Variants in DLD observed in about 807,000 individuals in gnomAD.
DLD encodes the protein dihydrolipoyl dehydrogenase, mitochondrial.
DLD carries 36 observed loss-of-function variants against 62.2 expected under a neutral mutation model. That is an observed-to-expected ratio of 0.58 (90% CI 0.44 to 0.76). The LOEUF (loss-of-function observed/expected upper bound fraction) is 0.76, where lower values mean the gene tolerates loss of function less well. DLD is among the 30% of genes least tolerant of loss of function. DLD has a pLI of 0.00. For synonymous variants in DLD, 204 were observed against 199.6 expected (o/e 1.02, Z -0.19); for missense variants, 541 against 608.6 (o/e 0.89, Z 1.17).
rs2032395878 is a variant in DLD, at chr7:107,920,944, A to G, written c.*1685A>G. 6.6e-6 allele frequency: 1 copy of G among 152,324 alleles called. No individual in the cohort carries two copies. Among genetic ancestry groups the G allele is most frequent in the Non-Finnish European group, 1.5e-5 (1 of 68,050 alleles). 9.4% of individuals were successfully genotyped at this position (152,324 alleles called of 1,614,324 possible). On this transcript the variant is annotated 3_prime_UTR_variant, in exon 14 of 14. Transcript: ENST00000205402. ...GATATCTGTGTGCTACTTTGCCATT[A>G]TTGGAAGTGAACTCTGCATCTTTTT...
intron 12 of DLD, 60 bp downstream of exon 12, chr7:107,918,121 T>G (rs1562921021): frequency 1.3e-6 from 2 of 1,587,864 alleles, no homozygotes; most frequent in African/African-American, 2.7e-5. Context: ...TGCTGTTTAT[T>G]AATTATAAAC....
intron 12 of DLD, among the ~76,000 whole-genome samples, chr7:107,918,805 A>G (rs1374165332): frequency 1.3e-5 from 2 of 152,230 alleles, no homozygotes. Flanking sequence ...TAAGTGGTAG[A>G]TATGAATTGA....
At chr7:107,915,426 C>G in intron 8 of DLD, 80 bp from the exon 9 acceptor site, 2 of 1,471,226 alleles carry the variant, frequency 1.4e-6, no homozygotes, top group South Asian at 1.2e-5. Context: ...AAATGTTTTA[C>G]AATAAATTAT....
rs78401896 is a variant in DLD at position 107,911,166 on chromosome 7, C to T, written c.685-4340C>T. The stretch of plus-strand genomic sequence containing the variant: ...GTCATTCTCCATTTCTCCCTTTGCT[C>T]AGCCCCTGGAAACCACTAATTCTAC... On this transcript the variant is annotated intron_variant, in intron 8 of 13. Transcript: ENST00000205402. 9.1e-3 allele frequency among the ~76,000 whole-genome samples: 1,386 copies of T among 152,282 alleles called. 18 individuals carry two copies. Among genetic ancestry groups the T allele is most frequent in the African/African-American group, 0.032 (1,316 of 41,574 alleles).
chr7:107,911,351 C>G (rs1183939974), intron 8 of DLD, among the ~76,000 whole-genome samples: 3 of 152,148 alleles, frequency 2.0e-5, no homozygotes, highest in Non-Finnish European at 4.4e-5. Flanking sequence ...ATATCTCATT[C>G]TATGGATATG....
chr7:107,891,112 C>G (rs1299553269), upstream of DLD: 11 of 1,094,620 alleles, frequency 1.0e-5, no homozygotes, highest in East Asian at 5.0e-5. Flanking sequence ...GCGGTAGAAC[C>G]GCGCGGGCCA....
chr7:107,906,262 T>A lies in DLD; in HGVS notation c.583-5T>A. ...TTTTGATTATATCTTTTGTTTTTCTTACAGATAGATGAAGATACAATAGTG... is the reference window on the plus strand; with the variant it reads ...TTTTGATTATATCTTTTGTTTTTCTAACAGATAGATGAAGATACAATAGTG... On this transcript the variant is annotated splice_polypyrimidine_tract_variant and splice_region_variant and intron_variant, in intron 7 of 13. Transcript: ENST00000205402. 3 of 1,523,622 alleles carry A rather than the reference T, an allele frequency of 2.0e-6. No individual in the cohort carries two copies. In the South Asian group the frequency reaches 3.4e-5, roughly 17 times the overall value. The allele number at this position is 1,523,622 out of a possible 1,614,324, so 94.4% of individuals were successfully genotyped here.
At chr7:107,901,554 C>T (rs1015481585) in intron 2 of DLD, among the ~76,000 whole-genome samples, 184 bp from the exon 3 acceptor site, 3 of 152,102 alleles carry the variant, frequency 2.0e-5, no homozygotes, top group African/African-American at 7.2e-5. Flanking sequence ...GTATTTATGC[C>T]ATTTTTCAGT....
rs927731188 is a variant in DLD at position 107,899,744 on chromosome 7, G to A, written c.119-1994G>A. On this transcript the variant is annotated intron_variant, in intron 2 of 13. Coordinates refer to ENST00000205402, the MANE Select transcript of DLD (RefSeq NM_000108.5). Reference sequence around the variant, plus strand: ...AAAACTTTCCTAGAAGAAGGATTGGGAGGACCTATAAACAGTTCTCTCTGG... The same window carrying A: ...AAAACTTTCCTAGAAGAAGGATTGGAAGGACCTATAAACAGTTCTCTCTGG... 4.6e-5 allele frequency among the ~76,000 whole-genome samples: 7 copies of A among 151,940 alleles called. No homozygotes were observed. The South Asian group carries it at 1.5e-3, about 31-fold the overall frequency.
intron 2 of DLD, among the ~76,000 whole-genome samples, chr7:107,896,842 G>GTTT (rs1254805002): frequency 7.6e-5 from 11 of 144,822 alleles, no homozygotes; most frequent in African/African-American, 2.5e-4. Context: ...GTTTTTGTTT[G>GTTT]TTTTTTTTTT....
chr7:107,919,132 G>A (rs1489527977), intron 13 of DLD, 33 bp downstream of exon 13: 1 of 1,611,760 alleles, frequency 6.2e-7, no homozygotes, highest in Non-Finnish European at 8.5e-7. Context: ...ATTGATGGTT[G>A]CCTAAATTTT....
At chr7:107,908,567 T>C (rs1000494779) in intron 8 of DLD, among the ~76,000 whole-genome samples, 1 of 151,208 alleles carries the variant, frequency 6.6e-6, no homozygotes, top group Non-Finnish European at 1.5e-5. Context: ...ACTCAGGAGG[T>C]TGAGATGGGA....
chr7:107,918,031 C>G lies in DLD; in HGVS notation c.1344C>G (p.Asp448Glu). 1 of 1,614,022 alleles carries G rather than the reference C, an allele frequency of 6.2e-7. No individual in the cohort carries two copies. The highest frequency in any genetic ancestry group is 8.5e-7 in the Non-Finnish European group (1 of 1,179,908). ...AGATCCTTGGGCAGAAATCGACAGA[C>G]AGAGTACTGGGAGCACATATTCTTG... is the stretch of plus-strand genomic sequence containing the variant. ...MVKILGQKSTDRVLGAHILGP... is the reference protein window; with the variant it reads ...MVKILGQKSTERVLGAHILGP... Residue 448 changes from aspartate (D) to glutamate (E), a missense_variant, in exon 12 of 14, where the codon GAC (aspartate) becomes GAG (glutamate). Coordinates refer to ENST00000205402, the MANE Select transcript of DLD (RefSeq NM_000108.5).
intron 2 of DLD, among the ~76,000 whole-genome samples, chr7:107,898,017 T>C (rs1236762123): frequency 2.0e-5 from 3 of 152,184 alleles, no homozygotes; most frequent in Non-Finnish European, 4.4e-5. Context: ...AGTACTTTTC[T>C]TGACTTTTTT....
intron 2 of DLD, among the ~76,000 whole-genome samples, chr7:107,896,980 T>C (rs2031743012): frequency 6.6e-6 from 1 of 151,716 alleles, no homozygotes; most frequent in Admixed American, 6.6e-5. Context: ...GGATTACAGG[T>C]GCCTGCCACC....
intron 2 of DLD, among the ~76,000 whole-genome samples, chr7:107,899,361 G>A (rs1205914074): frequency 6.7e-6 from 1 of 149,390 alleles, no homozygotes; most frequent in Non-Finnish European, 1.5e-5. Context: ...GGTATTTTCT[G>A]AAGTTTAAAA....
intron 10 of DLD, 89 bp from the exon 11 acceptor site, chr7:107,917,184 T>C: frequency 6.7e-7 from 1 of 1,491,566 alleles, no homozygotes; most frequent in Non-Finnish European, 9.3e-7. Flanking sequence ...GTGACTTGTT[T>C]ACTGGAAACT....
At chr7:107,894,665 G>A (rs1346135316) in intron 2 of DLD, among the ~76,000 whole-genome samples, 1 of 152,174 alleles carries the variant, frequency 6.6e-6, no homozygotes, top group African/African-American at 2.4e-5. Flanking sequence ...GCATCACTCA[G>A]CAGAGATTAT....
chr7:107,898,651 C>T (rs111916823), intron 2 of DLD, among the ~76,000 whole-genome samples: 9 of 150,586 alleles, frequency 6.0e-5, no homozygotes, highest in East Asian at 2.0e-4. Context: ...AGTGCAGTGG[C>T]GTGATCTCGG....
Sources: gnomAD v4.1 joint callset for allele counts (sites outside exome capture counted in the v4.1 genomes callset) on GRCh38, gnomAD v4.1.1 for gene constraint, MANE v1.5 for transcripts, NCBI Gene and HGNC (gene_info 2026-07-23, HGNC 2026-07-21) for gene names.